Variants in PLPP3 observed in about 807,000 individuals in gnomAD.
PLPP3 encodes the protein phospholipid phosphatase 3, also known as PAP2 beta.
Under a neutral mutation model 29.6 loss-of-function variants are expected in PLPP3, and 6 were observed. The observed-to-expected ratio is 0.20, with a 90% CI of 0.11 to 0.40. The LOEUF (loss-of-function observed/expected upper bound fraction) is 0.40, where lower values mean the gene tolerates loss of function less well. PLPP3 is among the 10% of genes least tolerant of loss of function. PLPP3 has a pLI of 1.00. For missense variants in PLPP3, 308 were observed against 407.7 expected, an observed-to-expected ratio of 0.76 and a Z score of 2.11; for synonymous variants, 152 against 159.7, an observed-to-expected ratio of 0.95 and a Z score of 0.36.
chr1:56,565,875 A>G (rs1388656875), intron 1 of PLPP3, among the ~76,000 whole-genome samples: 1 of 152,218 alleles, frequency 6.6e-6, no homozygotes, highest in East Asian at 1.9e-4. Context: ...TCTATGACAC[A>G]TCTAGAAGAC....
Position 56,496,444 on chromosome 1 carries a change from C to T in PLPP3, c.*107G>A, listed in dbSNP as rs779305870. ...TTTTTTTTCCTTTTTAAAAATCAGT[C>T]GGGCAAAAGTTTTTCCCTACATTCT... On this transcript the variant is annotated 3_prime_UTR_variant, in exon 6 of 6. Transcript: ENST00000371250. 6.7e-5 allele frequency: 91 copies of T among 1,352,098 alleles called. No individual in the cohort carries two copies. The African/African-American group carries it at 7.4e-4, about 11-fold the overall frequency. The allele number at this position is 1,352,098 out of a possible 1,614,324, so 83.8% of individuals were successfully genotyped here. A position where few individuals can be genotyped will look rare whatever the true frequency, so the allele number is the denominator to read the frequency against.
intron 1 of PLPP3, among the ~76,000 whole-genome samples, chr1:56,539,650 T>C (rs1325497611): frequency 6.6e-6 from 1 of 152,154 alleles, no homozygotes; most frequent in Non-Finnish European, 1.5e-5. Flanking sequence ...ACTTTGTCTC[T>C]GCAATGGAGG....
At chr1:56,569,582 G>C (rs1165429107) in intron 1 of PLPP3, among the ~76,000 whole-genome samples, 1 of 152,180 alleles carries the variant, frequency 6.6e-6, no homozygotes, top group African/African-American at 2.4e-5. Context: ...CTCCTAGGTA[G>C]TAGGTTTCTC....
intron 1 of PLPP3, among the ~76,000 whole-genome samples, chr1:56,551,495 G>A (rs1382488289): frequency 1.3e-5 from 2 of 152,032 alleles, no homozygotes; most frequent in Admixed American, 6.6e-5. Context: ...GAGATGGCGT[G>A]GTAAGCAGCC....
At chr1:56,504,656 G>A (rs756241987) in intron 5 of PLPP3, among the ~76,000 whole-genome samples, 44 of 152,216 alleles carry the variant, frequency 2.9e-4, no homozygotes, top group Admixed American at 6.5e-4. Context: ...CTCACCCATC[G>A]CCATGTCTTC....
intron 4 of PLPP3, among the ~76,000 whole-genome samples, chr1:56,521,607 T>C (rs1358767309): frequency 6.6e-6 from 1 of 152,142 alleles, no homozygotes; most frequent in African/African-American, 2.4e-5. Context: ...CTCCCTGTGC[T>C]GTCCAGACTT....
intron 4 of PLPP3, 140 bp from the exon 5 acceptor site, chr1:56,512,292 G>T: frequency 2.6e-6 from 2 of 770,366 alleles, no homozygotes; most frequent in Non-Finnish European, 3.9e-6. Context: ...ACAGCAATTT[G>T]AACATGACCT....
chr1:56,515,097 G>A (rs1645771623), intron 4 of PLPP3, among the ~76,000 whole-genome samples: 2 of 152,126 alleles, frequency 1.3e-5, no homozygotes, highest in Admixed American at 6.5e-5. Flanking sequence ...ACAGAGCACA[G>A]ATTTTAATCA....
intron 5 of PLPP3, among the ~76,000 whole-genome samples, chr1:56,511,230 A>G (rs1282958126): frequency 6.6e-6 from 1 of 152,198 alleles, no homozygotes; most frequent in Admixed American, 6.5e-5. Context: ...AGCAGTGCCT[A>G]CAGATGGAGG....
chr1:56,516,262 G>A (rs1196440460), intron 4 of PLPP3, among the ~76,000 whole-genome samples: 2 of 152,082 alleles, frequency 1.3e-5, no homozygotes, highest in Non-Finnish European at 2.9e-5. Flanking sequence ...GTTCACACAA[G>A]CCACTCCAGG....
At chr1:56,499,195 A>G (rs1034133177) in intron 5 of PLPP3, among the ~76,000 whole-genome samples, 4 of 151,562 alleles carry the variant, frequency 2.6e-5, no homozygotes, top group Non-Finnish European at 5.9e-5. Context: ...TCCATTTCCT[A>G]ACTGCAGGAT....
intron 1 of PLPP3, among the ~76,000 whole-genome samples, chr1:56,538,161 C>T (rs941521698): frequency 6.6e-6 from 1 of 152,134 alleles, no homozygotes; most frequent in Non-Finnish European, 1.5e-5. Flanking sequence ...AATAAAGTCC[C>T]TAAGTATGAC....
intron 4 of PLPP3, 84 bp downstream of exon 4, chr1:56,523,739 C>A (rs995151973): frequency 3.5e-6 from 5 of 1,433,248 alleles, no homozygotes; most frequent in Admixed American, 1.7e-5. Context: ...GATGGCATGC[C>A]CCTAAACTAT....
chr1:56,544,762 A>G (rs1645994164), intron 1 of PLPP3, among the ~76,000 whole-genome samples: 1 of 152,202 alleles, frequency 6.6e-6, no homozygotes. Flanking sequence ...ACATATTAGC[A>G]ACCTAGAAAG....
chr1:56,570,493 AAG>A (rs1163005575), intron 1 of PLPP3, among the ~76,000 whole-genome samples: 1 of 152,230 alleles, frequency 6.6e-6, no homozygotes, highest in Non-Finnish European at 1.5e-5. Flanking sequence ...AGGTTTCCAA[AAG>A]AGTCTGAAGT....
intron 4 of PLPP3, chr1:56,512,904 A>T (rs1190304604): frequency 6.6e-6 from 1 of 152,134 alleles, no homozygotes; most frequent in African/African-American, 2.4e-5. Context: ...ACATTTGTGT[A>T]TTTCCCTGGG....
intron 1 of PLPP3, among the ~76,000 whole-genome samples, chr1:56,551,124 T>C (rs1409622873): frequency 6.6e-6 from 1 of 152,018 alleles, no homozygotes; most frequent in Admixed American, 6.6e-5. Context: ...CTCTATAATA[T>C]AATGTGAGGG....
chr1:56,496,523 C>CA lies in PLPP3; in HGVS notation c.*27dup, dbSNP rs1645632067. 3.1e-6 allele frequency: 5 copies of CA among 1,611,322 alleles called. No homozygotes were observed. The highest frequency in any genetic ancestry group is 1.7e-4 in the Middle Eastern group (1 of 6,044). ...GAACTTGCTGTCAGCAGTCATTTTA[C>CA]AAAAACAGCTCAGGAGGTGGGTGGC... On this transcript the variant is annotated 3_prime_UTR_variant, in exon 6 of 6. Coordinates refer to ENST00000371250, the MANE Select transcript of PLPP3 (RefSeq NM_003713.5).
At chr1:56,503,062 G>C (rs1404293893) in intron 5 of PLPP3, among the ~76,000 whole-genome samples, 1 of 152,088 alleles carries the variant, frequency 6.6e-6, no homozygotes. Context: ...GCTATCTAAA[G>C]AAAAGCCATC....
Sources: gnomAD v4.1 joint callset for allele counts (sites outside exome capture counted in the v4.1 genomes callset) on GRCh38, gnomAD v4.1.1 for gene constraint, MANE v1.5 for transcripts, NCBI Gene and HGNC (gene_info 2026-07-23, HGNC 2026-07-21) for gene names.